Variants in EPB41L4A observed in about 807,000 individuals in gnomAD.
The protein encoded by EPB41L4A is erythrocyte membrane protein band 4.1 like 4A.
Under a neutral mutation model 108.6 loss-of-function variants are expected in EPB41L4A, and 100 were observed. The ratio of observed to expected loss-of-function variants is 0.92; its 90% CI spans 0.78 to 1.09. The LOEUF (loss-of-function observed/expected upper bound fraction) is 1.09. Among genes scored for constraint, EPB41L4A ranks in the 50% least tolerant of loss-of-function variants. The probability of loss-of-function intolerance (pLI) is 0.00; values close to 1 mark genes in which losing one functional copy is unlikely to be tolerated. For missense variants in EPB41L4A, 1,030 were observed against 842.7 expected (o/e 1.22, Z -2.75); for synonymous variants, 319 against 289.0 (o/e 1.10, Z -1.05).
chr5:112,403,423 G>A (rs1761902557), intron 1 of EPB41L4A, among the ~76,000 whole-genome samples: 2 of 150,366 alleles, frequency 1.3e-5, no homozygotes, highest in Non-Finnish European at 2.9e-5. Context: ...ATTAACAGAA[G>A]AACTGTAAGT....
intron 2 of EPB41L4A, among the ~76,000 whole-genome samples, chr5:112,284,893 G>A (rs1013359103): frequency 6.6e-6 from 1 of 152,094 alleles, no homozygotes; most frequent in South Asian, 2.1e-4. Context: ...CATCCACCTT[G>A]GCTGATAACT....
rs752743212 is a variant in EPB41L4A at position 112,262,523 on chromosome 5, T to C, written c.613A>G (p.Met205Val). The change falls in exon 7 of 23, where the codon ATG (methionine) becomes GTG (valine). Residue 205 changes from methionine to valine, a missense_variant. Physicochemically the swap from Met to Val is conservative, Grantham distance 21 (BLOSUM62 1). Coordinates refer to ENST00000261486, the MANE Select transcript of EPB41L4A (RefSeq NM_022140.5). ...ACGGGATGGAGGTCAACGCCATACA[T>C]CTCCAGGGATTTGGCAGTCCTCAAG... ...NYLRTAKSLE[M>V]YGVDLHPVYG... The C allele has an allele frequency of 1.5e-5, 25 of 1,614,054 alleles. No individual in the cohort carries two copies. The highest frequency in any genetic ancestry group is 4.4e-5 in the South Asian group (4 of 91,074).
intron 3 of EPB41L4A, among the ~76,000 whole-genome samples, chr5:112,276,670 T>G (rs1752647410): frequency 6.6e-6 from 1 of 152,212 alleles, no homozygotes; most frequent in Non-Finnish European, 1.5e-5. Context: ...GTCTCGCTAT[T>G]CTTAACTGAA....
intron 1 of EPB41L4A, among the ~76,000 whole-genome samples, chr5:112,311,139 CAGGCAT>C (rs1755023649): frequency 6.6e-6 from 1 of 152,122 alleles, no homozygotes; most frequent in South Asian, 2.1e-4. Flanking sequence ...GCTGGGACTA[CAGGCAT>C]GCACCACCAC....
At chr5:112,288,888 C>T (rs1178283576) in intron 2 of EPB41L4A, among the ~76,000 whole-genome samples, 4 of 150,984 alleles carry the variant, frequency 2.6e-5, no homozygotes, top group South Asian at 2.1e-4. Flanking sequence ...AGTGCAGTGG[C>T]GCAATCTCGG....
chr5:112,264,961 G>C lies in EPB41L4A; in HGVS notation c.489C>G (p.Tyr163Ter). The change falls in exon 6 of 23, where the codon TAC becomes TAG. Residue 163 changes from tyrosine (Y) to a stop codon, truncating the protein, a stop_gained. Transcript: ENST00000261486. LOFTEE classifies it high-confidence loss of function. ...YKHTAGYVSEYRFVPDQKEEL... is the reference protein window; with the variant it reads ...YKHTAGYVSE ...CTTCCTTCTGATCAGGAACAAACCG[G>C]TACTCAGATACATATCCTGCAGTAT... The C allele has an allele frequency of 6.2e-7, 1 of 1,611,348 alleles. No individual in the cohort carries two copies. The highest frequency in any genetic ancestry group is 8.5e-7 in the Non-Finnish European group (1 of 1,178,686).
chr5:112,419,186 C>T lies in EPB41L4A; in HGVS notation c.-147G>A, dbSNP rs1280719448. 1.8e-6 allele frequency: 1 copy of T among 551,650 alleles called. No homozygotes were observed. 34.2% of individuals were successfully genotyped at this position (551,650 alleles called of 1,614,324 possible). On this transcript the variant is annotated 5_prime_UTR_variant, in exon 1 of 23. Coordinates refer to ENST00000261486, the MANE Select transcript of EPB41L4A (RefSeq NM_022140.5). ...CTCCCGGCGGGGTCCGGGGACCGGC[C>T]GCCGAACCGCCCGGCGGGGCGGGAG...
Position 112,168,783 on chromosome 5 carries a change from G to C in EPB41L4A, c.1888C>G (p.Arg630Gly). 1 of 1,614,092 alleles carries C rather than the reference G, an allele frequency of 6.2e-7. No individual in the cohort carries two copies. Among genetic ancestry groups the C allele is most frequent in the Non-Finnish European group, 8.5e-7 (1 of 1,179,964 alleles). ...CCAGAACCCTGAGCATCCGAAGAAC[G>C]GGTCACCGGAAGTGGTGGTACAAGA... is the stretch of plus-strand genomic sequence containing the variant. ...TDLVPPLPVT[R>G]SSDAQGSGDA... is the part of the protein sequence containing the mutation. The change falls in exon 22 of 23, where the codon CGT (arginine) becomes GGT (glycine). Residue 630 changes from arginine (R) to glycine (G), a missense_variant. Arg to Gly is a moderately radical substitution (Grantham distance 125). Coordinates refer to ENST00000261486, the MANE Select transcript of EPB41L4A (RefSeq NM_022140.5).
chr5:112,400,698 A>G (rs1453759888), intron 1 of EPB41L4A, among the ~76,000 whole-genome samples: 2 of 152,184 alleles, frequency 1.3e-5, no homozygotes, highest in Non-Finnish European at 2.9e-5. Flanking sequence ...TGGGGAGTAC[A>G]ATTCAACATG....
intron 9 of EPB41L4A, among the ~76,000 whole-genome samples, chr5:112,242,400 A>G (rs2150386162): frequency 6.6e-6 from 1 of 152,162 alleles, no homozygotes; most frequent in East Asian, 1.9e-4. Flanking sequence ...TATTCCTTCA[A>G]GTTTTATCAT....
At chr5:112,294,399 C>A (rs1753859534) in intron 2 of EPB41L4A, among the ~76,000 whole-genome samples, 1 of 152,148 alleles carries the variant, frequency 6.6e-6, no homozygotes, top group African/African-American at 2.4e-5. Context: ...ACTTGTTTTG[C>A]AGTGACAGAG....
At chr5:112,160,351 G>A (rs192093031), downstream of EPB41L4A, among the ~76,000 whole-genome samples, 185 of 152,146 alleles carry the variant, frequency 1.2e-3, 1 homozygote, top group Non-Finnish European at 2.4e-3. Context: ...TTCAGCATCC[G>A]GGCTCACTTG....
chr5:112,389,530 A>G (rs1461660681), intron 1 of EPB41L4A, among the ~76,000 whole-genome samples: 1 of 152,252 alleles, frequency 6.6e-6, no homozygotes, highest in Non-Finnish European at 1.5e-5. Flanking sequence ...CTCTGTTTTA[A>G]TCCTTAACCC....
intron 12 of EPB41L4A, among the ~76,000 whole-genome samples, chr5:112,214,772 C>T (rs1053819764): frequency 6.6e-6 from 1 of 150,968 alleles, no homozygotes; most frequent in African/African-American, 2.4e-5. Context: ...TCTCAAAAGG[C>T]AAAAACAAAA....
At chr5:112,226,718 A>C (rs1016321623) in intron 12 of EPB41L4A, among the ~76,000 whole-genome samples, 2 of 152,000 alleles carry the variant, frequency 1.3e-5, no homozygotes, top group Non-Finnish European at 2.9e-5. Context: ...AGAGAAGAAA[A>C]ATGGCTTGAA....
chr5:112,226,000 G>C (rs1191230002), intron 12 of EPB41L4A, among the ~76,000 whole-genome samples: 1 of 152,198 alleles, frequency 6.6e-6, no homozygotes, highest in Non-Finnish European at 1.5e-5. Context: ...GTAATGCTCA[G>C]CGATCATTAG....
intron 1 of EPB41L4A, among the ~76,000 whole-genome samples, chr5:112,396,802 T>G (rs1182359233): frequency 6.6e-6 from 1 of 152,092 alleles, no homozygotes; most frequent in Non-Finnish European, 1.5e-5. Context: ...AAGCAATGAG[T>G]CCAGCCTATA....
intron 1 of EPB41L4A, among the ~76,000 whole-genome samples, chr5:112,378,163 T>C (rs1032570295): frequency 6.6e-6 from 1 of 151,414 alleles, no homozygotes; most frequent in Non-Finnish European, 1.5e-5. Flanking sequence ...TCTCCAGAGA[T>C]GGAAAATTCA....
At chr5:112,384,990 A>G (rs527533195) in intron 1 of EPB41L4A, among the ~76,000 whole-genome samples, 16 of 152,338 alleles carry the variant, frequency 1.1e-4, no homozygotes, top group Admixed American at 3.3e-4. Context: ...TCAGAGGCCC[A>G]TGGCCCCACT....
Sources: gnomAD v4.1 joint callset for allele counts (sites outside exome capture counted in the v4.1 genomes callset) on GRCh38, gnomAD v4.1.1 for gene constraint, MANE v1.5 for transcripts, NCBI Gene and HGNC (gene_info 2026-07-23, HGNC 2026-07-21) for gene names.